Variants in KDELR2 observed in about 807,000 individuals in gnomAD.
The protein encoded by KDELR2 is KDEL endoplasmic reticulum protein retention receptor 2.
A neutral mutation model predicts 23.9 loss-of-function variants in KDELR2; 15 were observed. The observed-to-expected ratio is 0.63, with a 90% CI of 0.42 to 0.97. The LOEUF is 0.97. KDELR2 is among the 50% of genes least tolerant of loss of function. The pLI, the probability that KDELR2 is intolerant of heterozygous loss-of-function variation, is 0.00. For synonymous variants in KDELR2, 119 were observed against 106.2 expected, an observed-to-expected ratio of 1.12 and a Z score of -0.74; for missense variants, 272 against 254.6, an observed-to-expected ratio of 1.07 and a Z score of -0.46.
At chr7:6,471,674 T>C (rs1203372520) in intron 2 of KDELR2, among the ~76,000 whole-genome samples, 1 of 152,204 alleles carries the variant, frequency 6.6e-6, no homozygotes, top group African/African-American at 2.4e-5. Context: ...CTAGTGTTAA[T>C]AATTTGTTCC....
At chr7:6,463,201 A>G (rs867875734) in intron 4 of KDELR2, 26 bp from the exon 5 acceptor site, 3 of 1,589,826 alleles carry the variant, frequency 1.9e-6, no homozygotes, top group Non-Finnish European at 1.7e-6. Flanking sequence ...GAAGAAAAGA[A>G]AACAAAAGGT....
chr7:6,483,970 C>T lies in KDELR2; in HGVS notation c.88G>A (p.Ala30Thr), dbSNP rs753824853. 1 of 1,528,366 alleles carries T rather than the reference C, an allele frequency of 6.5e-7. No individual in the cohort carries two copies. Among genetic ancestry groups the T allele is most frequent in the Admixed American group, 1.9e-5 (1 of 51,700 alleles). 94.7% of individuals were successfully genotyped at this position (1,528,366 alleles called of 1,614,324 possible). A position where few individuals can be genotyped will look rare whatever the true frequency, so the allele number is the denominator to read the frequency against. The change falls in exon 1 of 5, where the codon GCC becomes ACC. Residue 30 changes from alanine (A) to threonine (T), a missense_variant. Transcript: ENST00000258739. ...LLKIWKTRSC[A>T]GISGKSQLLF... Reference sequence around the variant, plus strand: ...CGGGCCTTCCCCCGCCGCTCACCGGCGCAGGAGCGCGTCTTCCAGATCTTC... The same window carrying T: ...CGGGCCTTCCCCCGCCGCTCACCGGTGCAGGAGCGCGTCTTCCAGATCTTC...
chr7:6,469,406 C>A (rs1785578677), intron 3 of KDELR2, among the ~76,000 whole-genome samples, 190 bp downstream of exon 3: 1 of 152,126 alleles, frequency 6.6e-6, no homozygotes, highest in Non-Finnish European at 1.5e-5. Flanking sequence ...CAGGTGCGTG[C>A]CACCACACCC....
chr7:6,483,566 G>C (rs1464072940), intron 1 of KDELR2, among the ~76,000 whole-genome samples: 2 of 152,160 alleles, frequency 1.3e-5, no homozygotes, highest in East Asian at 3.9e-4. Context: ...CCGTCCCATT[G>C]ATTCGCGGGT....
chr7:6,469,603 G>A lies in KDELR2; in HGVS notation c.344C>T (p.Pro115Leu), dbSNP rs1785582877. 1.9e-6 allele frequency: 3 copies of A among 1,613,636 alleles called. No homozygotes were observed. The highest frequency in any genetic ancestry group is 1.7e-5 in the Admixed American group (1 of 59,938). Residue 115 changes from proline to leucine, a missense_variant, in exon 3 of 5, where the codon CCT becomes CTT. Transcript: ENST00000258739. ...LSFLVNHDFSPLEILWTFSIY... is the reference protein window; with the variant it reads ...LSFLVNHDFSLLEILWTFSIY... Reference sequence around the variant, plus strand: ...GTAACCTTTTAAACTAACCTCAAGAGGAGAGAAATCGTGATTAACTAAAAA... The same window carrying A: ...GTAACCTTTTAAACTAACCTCAAGAAGAGAGAAATCGTGATTAACTAAAAA...
Position 6,466,188 on chromosome 7 carries a change from G to T in KDELR2, c.487C>A (p.Leu163Ile), listed in dbSNP as rs1270268009. 1.2e-6 allele frequency: 2 copies of T among 1,614,068 alleles called. No individual in the cohort carries two copies. The highest frequency in any genetic ancestry group is 1.7e-6 in the Non-Finnish European group (2 of 1,180,046). The change falls in exon 4 of 5, where the codon CTT (leucine) becomes ATT (isoleucine). Residue 163 changes from leucine (L) to isoleucine (I), a missense_variant. Leu to Ile is a conservative substitution (Grantham distance 5). Transcript: ENST00000258739. Reference protein sequence around the residue: ...FFLGLYRALYLVNWIWRFYFE... With the variant: ...FFLGLYRALYIVNWIWRFYFE... ...TAGAAGCGCCAGATCCAGTTGACAA[G>T]ATACAAAGCACGATAGAGGCCCAGG...
At chr7:6,478,998 C>T (rs960164625) in intron 1 of KDELR2, among the ~76,000 whole-genome samples, 2 of 152,000 alleles carry the variant, frequency 1.3e-5, no homozygotes, top group South Asian at 4.1e-4. Context: ...CCATATTGGC[C>T]AAGCTGGTCT....
intron 2 of KDELR2, among the ~76,000 whole-genome samples, chr7:6,470,618 A>G (rs1262989481): frequency 6.6e-6 from 1 of 152,234 alleles, no homozygotes; most frequent in Non-Finnish European, 1.5e-5. Flanking sequence ...TAAACAATGT[A>G]GTACAAAAGC....
chr7:6,480,033 G>C (rs541466797), intron 1 of KDELR2, among the ~76,000 whole-genome samples: 105 of 152,336 alleles, frequency 6.9e-4, no homozygotes, highest in Non-Finnish European at 1.3e-3. Flanking sequence ...ATAAGATCCA[G>C]TATGGGGTTT....
At chr7:6,466,744 T>C (rs113907280) in intron 3 of KDELR2, among the ~76,000 whole-genome samples, 23,446 of 151,510 alleles carry the variant, frequency 0.15, 2,138 homozygotes, top group Non-Finnish European at 0.2. Context: ...CATCAGGCAT[T>C]AGATTTTCAT....
chr7:6,483,393 G>A (rs1785950361), intron 1 of KDELR2, among the ~76,000 whole-genome samples: 1 of 152,182 alleles, frequency 6.6e-6, no homozygotes, highest in African/African-American at 2.4e-5. Flanking sequence ...CAACACTTAA[G>A]GACAGGTCTG....
intron 3 of KDELR2, 103 bp from the exon 4 acceptor site, chr7:6,466,426 G>C: frequency 2.1e-6 from 3 of 1,448,548 alleles, no homozygotes; most frequent in South Asian, 1.3e-5. Context: ...AGATGAGTGG[G>C]GAGTGGGGCA....
rs866071005 is a variant in KDELR2 at position 6,483,882 on chromosome 7, G to A, written c.91+85C>T. On this transcript the variant is annotated intron_variant, in intron 1 of 4. Transcript: ENST00000258739. ...TGTCGGGCCGGCGCAGGCCCCGCGA[G>A]CCGTGGGGTGGCCGAGGTCGGCGGG... is the stretch of plus-strand genomic sequence containing the variant. The A allele has an allele frequency of 6.3e-6, 7 of 1,109,104 alleles. No homozygotes were observed. In the Middle Eastern group the frequency reaches 1.1e-3, roughly 180 times the overall value. The allele number at this position is 1,109,104 out of a possible 1,614,324, so 68.7% of individuals were successfully genotyped here.
chr7:6,477,360 C>G (rs917020908), intron 1 of KDELR2, among the ~76,000 whole-genome samples: 1 of 152,024 alleles, frequency 6.6e-6, no homozygotes, highest in Non-Finnish European at 1.5e-5. Flanking sequence ...AATGGGAATC[C>G]TAGCTGAAGA....
chr7:6,483,968 G>T lies in KDELR2; in HGVS notation c.90C>A (p.Ala30=), dbSNP rs1266771466. 1 of 1,518,122 alleles carries T rather than the reference G, an allele frequency of 6.6e-7. No homozygotes were observed. Among genetic ancestry groups the T allele is most frequent in the East Asian group, 2.8e-5 (1 of 35,432 alleles). 94.0% of individuals were successfully genotyped at this position (1,518,122 alleles called of 1,614,324 possible). A position where few individuals can be genotyped will look rare whatever the true frequency, so the allele number is the denominator to read the frequency against. The stretch of plus-strand genomic sequence containing the variant: ...TCCGGGCCTTCCCCCGCCGCTCACC[G>T]GCGCAGGAGCGCGTCTTCCAGATCT... ...LLKIWKTRSC[A]GISGKSQLLF... The change falls in exon 1 of 5, where the codon GCC becomes GCA. Residue 30 remains alanine, a splice_region_variant and synonymous_variant. Transcript: ENST00000258739.
At chr7:6,481,646 G>A (rs1785894103) in intron 1 of KDELR2, among the ~76,000 whole-genome samples, 2 of 152,140 alleles carry the variant, frequency 1.3e-5, no homozygotes, top group Non-Finnish European at 2.9e-5. Flanking sequence ...CTTGAGCCCA[G>A]GAGTTTGGGG....
chr7:6,481,267 G>A (rs936357781), intron 1 of KDELR2, among the ~76,000 whole-genome samples: 3 of 151,024 alleles, frequency 2.0e-5, no homozygotes, highest in African/African-American at 7.3e-5. Context: ...TAATCAGGAG[G>A]CTGAGGAGAA....
intron 3 of KDELR2, among the ~76,000 whole-genome samples, chr7:6,468,337 C>CT (rs1272323439): frequency 6.6e-6 from 1 of 152,088 alleles, no homozygotes; most frequent in Non-Finnish European, 1.5e-5. Context: ...ATGAAATTAA[C>CT]TTTTTTTCTT....
intron 1 of KDELR2, among the ~76,000 whole-genome samples, chr7:6,479,211 G>A (rs752095102): frequency 6.6e-6 from 1 of 152,124 alleles, no homozygotes; most frequent in Non-Finnish European, 1.5e-5. Context: ...AAGCTGAAGT[G>A]CAATGGTGTG....
Sources: allele counts gnomAD v4.1 joint callset (sites outside exome capture counted in the v4.1 genomes callset), GRCh38; gene constraint gnomAD v4.1.1; transcripts MANE v1.5; gene names NCBI Gene and HGNC (gene_info 2026-07-23, HGNC 2026-07-21).